MAGI1: variants seen among roughly 807,000 people sequenced by gnomAD.
The protein encoded by MAGI1 is membrane-associated guanylate kinase, WW and PDZ domain-containing protein 1.
Under a neutral mutation model 139.9 loss-of-function variants are expected in MAGI1, and 58 were observed. That is an observed-to-expected ratio of 0.41 (90% CI 0.34 to 0.52). MAGI1 has a LOEUF of 0.52. Among genes scored for constraint, MAGI1 ranks in the 20% least tolerant of loss-of-function variants. The pLI is 0.12. For missense variants in MAGI1, 1,874 were observed against 1,901.6 expected, an observed-to-expected ratio of 0.99 and a Z score of 0.27; for synonymous variants, 812 against 737.9, an observed-to-expected ratio of 1.10 and a Z score of -1.63.
At chr3:65,980,470 G>T (rs572850738) in intron 1 of MAGI1, among the ~76,000 whole-genome samples, 69 of 151,990 alleles carry the variant, frequency 4.5e-4, no homozygotes, top group Middle Eastern at 3.4e-3. Flanking sequence ...GGCTGAGGCA[G>T]GAGAATCGCT....
chr3:65,396,757 T>C (rs1043786021), intron 13 of MAGI1, among the ~76,000 whole-genome samples: 2 of 152,222 alleles, frequency 1.3e-5, no homozygotes, highest in Non-Finnish European at 2.9e-5. Context: ...CTCCAAGTGC[T>C]GATGAGGTAT....
intron 12 of MAGI1, among the ~76,000 whole-genome samples, chr3:65,411,353 AGG>A (rs1217613436): frequency 1.3e-5 from 2 of 152,212 alleles, no homozygotes; most frequent in African/African-American, 2.4e-5. Context: ...CAAATACTTA[AGG>A]GTTGACCATG....
chr3:65,523,988 G>A (rs1447327717), intron 2 of MAGI1, among the ~76,000 whole-genome samples: 1 of 152,064 alleles, frequency 6.6e-6, no homozygotes, highest in Non-Finnish European at 1.5e-5. Context: ...TACAGTGTTT[G>A]TTACAAAGCA....
intron 2 of MAGI1, among the ~76,000 whole-genome samples, chr3:65,604,820 A>G (rs1445359974): frequency 6.6e-6 from 1 of 152,168 alleles, no homozygotes; most frequent in Non-Finnish European, 1.5e-5. Flanking sequence ...CAAAATTCCT[A>G]TGACTGTAAA....
At chr3:65,439,306 C>T (rs1462302381) in intron 9 of MAGI1, among the ~76,000 whole-genome samples, 5 of 152,022 alleles carry the variant, frequency 3.3e-5, no homozygotes, top group South Asian at 2.1e-4. Context: ...TTAAAATATG[C>T]GTATATCTAT....
At chr3:65,908,307 T>A (rs1437511791) in intron 1 of MAGI1, among the ~76,000 whole-genome samples, 1 of 152,008 alleles carries the variant, frequency 6.6e-6, no homozygotes, top group Non-Finnish European at 1.5e-5. Flanking sequence ...ATCCTTAATT[T>A]TTTTTTTTTT....
At chr3:65,538,204 C>A (rs2079047645) in intron 2 of MAGI1, among the ~76,000 whole-genome samples, 1 of 152,170 alleles carries the variant, frequency 6.6e-6, no homozygotes, top group Admixed American at 6.5e-5. Flanking sequence ...GCCTTTTCCA[C>A]TAACTTATAG....
chr3:66,026,737 G>A (rs1243691845), intron 1 of MAGI1, among the ~76,000 whole-genome samples: 1 of 151,952 alleles, frequency 6.6e-6, no homozygotes. Context: ...AGAGGAGATG[G>A]CGGCAATTAA....
chr3:65,836,832 G>C lies in MAGI1; in HGVS notation c.313+201164C>G, dbSNP rs112689139. On this transcript the variant is annotated intron_variant, in intron 1 of 22. Transcript: ENST00000402939. Reference sequence around the variant, plus strand: ...AGAGAGACAGAGAGAAAGAGAAAGAGAGAAAGAGCGAGCTGTGCTTTTTGT... The same window carrying C: ...AGAGAGACAGAGAGAAAGAGAAAGACAGAAAGAGCGAGCTGTGCTTTTTGT... Among the ~76,000 whole-genome samples the C allele has an allele frequency of 6.2e-3, 945 of 152,242 alleles. 11 individuals carry two copies. The highest frequency in any genetic ancestry group is 0.021 in the African/African-American group (884 of 41,538).
In MAGI1 at chr3:65,489,452, G is replaced by A. The variant is rs551327439; in HGVS notation, c.550+4060C>T. ...ACCCTATAGTTATGCTCATAATTGC[G>A]TAACAATATACTTGAAGCACTGTTT... On this transcript the variant is annotated intron_variant, in intron 3 of 22. Transcript: ENST00000402939. Among the ~76,000 whole-genome samples, 25 of 152,198 alleles carry A rather than the reference G, an allele frequency of 1.6e-4. No homozygotes were observed. In the East Asian group the frequency reaches 3.3e-3, roughly 20 times the overall value.
At chr3:65,878,147 T>C (rs1270138369) in intron 1 of MAGI1, among the ~76,000 whole-genome samples, 1 of 151,594 alleles carries the variant, frequency 6.6e-6, no homozygotes, top group Non-Finnish European at 1.5e-5. Flanking sequence ...AACACGGACA[T>C]CACAAAACCA....
chr3:65,798,168 G>T (rs1003148682), intron 1 of MAGI1, among the ~76,000 whole-genome samples: 2 of 151,638 alleles, frequency 1.3e-5, no homozygotes, highest in African/African-American at 4.8e-5. Context: ...GCTGGGCATG[G>T]TGGGGTGTGC....
chr3:65,562,550 A>C (rs2108022883), intron 2 of MAGI1, among the ~76,000 whole-genome samples: 1 of 152,272 alleles, frequency 6.6e-6, no homozygotes, highest in Non-Finnish European at 1.5e-5. Flanking sequence ...GTACAGTGGC[A>C]AGATCATAGC....
At chr3:65,663,067 C>T (rs1333550982) in intron 1 of MAGI1, among the ~76,000 whole-genome samples, 2 of 152,050 alleles carry the variant, frequency 1.3e-5, no homozygotes, top group Non-Finnish European at 2.9e-5. Flanking sequence ...ACTGGGAATT[C>T]AATACATATG....
intron 1 of MAGI1, among the ~76,000 whole-genome samples, chr3:65,777,835 C>A (rs1001445142): frequency 6.6e-6 from 1 of 152,098 alleles, no homozygotes; most frequent in Non-Finnish European, 1.5e-5. Context: ...CCATTGCATA[C>A]GTTTTCTGTG....
intron 17 of MAGI1, 182 bp downstream of exon 17, chr3:65,379,079 C>T (rs1942819109): frequency 1.5e-6 from 2 of 1,315,100 alleles, no homozygotes; most frequent in Admixed American, 4.3e-5. Flanking sequence ...CAAATATTCC[C>T]AACCTTCAAA....
intron 1 of MAGI1, among the ~76,000 whole-genome samples, chr3:66,015,625 A>G (rs970826024): frequency 9.9e-5 from 15 of 152,228 alleles, no homozygotes; most frequent in African/African-American, 3.6e-4. Context: ...TAGATATTCT[A>G]TAGCTACTGC....
chr3:65,401,372 T>TCCCCCC, intron 13 of MAGI1, 67 bp downstream of exon 13: 4 of 778,304 alleles, frequency 5.1e-6, no homozygotes, highest in South Asian at 1.5e-5. Context: ...CAGAGTACCC[T>TCCCCCC]CCCACCTCCA....
chr3:65,361,544 A>C (rs1353412707), intron 21 of MAGI1, among the ~76,000 whole-genome samples: 1 of 152,156 alleles, frequency 6.6e-6, no homozygotes, highest in African/African-American at 2.4e-5. Context: ...AAATCACATG[A>C]GAAAGGGGGG....
Sources: allele counts gnomAD v4.1 joint callset (sites outside exome capture counted in the v4.1 genomes callset), GRCh38; gene constraint gnomAD v4.1.1; transcripts MANE v1.5; gene names NCBI Gene and HGNC (gene_info 2026-07-23, HGNC 2026-07-21).